Variants in LAMC1 observed in about 807,000 individuals in gnomAD.
The protein encoded by LAMC1 is laminin subunit gamma 1.
Under a neutral mutation model 173.6 loss-of-function variants are expected in LAMC1, and 38 were observed. That is an observed-to-expected ratio of 0.22 (90% CI 0.17 to 0.29). LAMC1 has a LOEUF of 0.29. Ranked by LOEUF, LAMC1 falls within the 10% of genes least tolerant of loss-of-function variation. The pLI, the probability that LAMC1 is intolerant of heterozygous loss-of-function variation, is 1.00. For missense variants in LAMC1, 1,824 were observed against 2,051.8 expected, an observed-to-expected ratio of 0.89 and a Z score of 2.14; for synonymous variants, 746 against 749.1, an observed-to-expected ratio of 1.00 and a Z score of 0.07.
intron 18 of LAMC1, among the ~76,000 whole-genome samples, chr1:183,130,091 G>A (rs1042967891): frequency 1.3e-5 from 2 of 152,118 alleles, no homozygotes; most frequent in African/African-American, 4.8e-5. Context: ...TAAGACCAGC[G>A]ATATAGTGGT....
At chr1:183,133,331 T>A (rs987448599) in intron 21 of LAMC1, 75 bp from the exon 22 acceptor site, 2 of 1,313,670 alleles carry the variant, frequency 1.5e-6, no homozygotes, top group African/African-American at 1.5e-5. Flanking sequence ...TATCACATGA[T>A]CATGTTAATC....
chr1:183,043,519 G>T (rs1017955145), intron 1 of LAMC1, among the ~76,000 whole-genome samples: 1 of 152,116 alleles, frequency 6.6e-6, no homozygotes, highest in African/African-American at 2.4e-5. Flanking sequence ...ATCTAAATAA[G>T]CAGATAAAGT....
chr1:183,131,952 G>A (rs1656807934), intron 20 of LAMC1, among the ~76,000 whole-genome samples: 1 of 152,168 alleles, frequency 6.6e-6, no homozygotes, highest in Non-Finnish European at 1.5e-5. Context: ...AATTCCAAAT[G>A]AATGACGTTT....
intron 1 of LAMC1, among the ~76,000 whole-genome samples, chr1:183,036,396 CTTTTTTTTTTTT>C (rs768370901): frequency 3.1e-5 from 3 of 96,594 alleles, no homozygotes; most frequent in Non-Finnish European, 6.1e-5. Context: ...CCACGCCAGT[CTTTTTTTTTTTT>C]TTTTTTTTTT....
intron 27 of LAMC1, among the ~76,000 whole-genome samples, chr1:183,141,509 C>T (rs1196399854): frequency 6.6e-6 from 1 of 152,178 alleles, no homozygotes; most frequent in Non-Finnish European, 1.5e-5. Flanking sequence ...GAGCAGGCTT[C>T]ATTTTAGGAC....
Position 183,023,934 on chromosome 1 carries a change from C to T in LAMC1, c.218C>T (p.Pro73Leu), listed in dbSNP as rs1386773296. ...VVATNTCGTP[P>L]EEYCVQTGVT... is the part of the protein sequence containing the mutation. ...GCCACCAACACGTGTGGGACTCCGC[C>T]CGAGGAATACTGTGTGCAGACCGGG... The change falls in exon 1 of 28, where the codon CCC (proline) becomes CTC (leucine). Residue 73 changes from proline (P) to leucine (L), a missense_variant. Coordinates refer to ENST00000258341, the MANE Select transcript of LAMC1 (RefSeq NM_002293.4). The T allele has an allele frequency of 6.2e-7, 1 of 1,613,234 alleles. No homozygotes were observed. Among genetic ancestry groups the T allele is most frequent in the Non-Finnish European group, 8.5e-7 (1 of 1,179,936 alleles).
intron 1 of LAMC1, among the ~76,000 whole-genome samples, chr1:183,077,776 G>GTGTGTGTGTGTGTATATATATATATA: frequency 6.9e-5 from 8 of 116,520 alleles, no homozygotes; most frequent in Non-Finnish European, 1.3e-4. Context: ...TGGCCATTGT[G>GTGTGTGTGTGTGTATATATATATATA]TATATATATA....
At chr1:183,117,119 A>G in intron 8 of LAMC1, 2 of 676,818 alleles carry the variant, frequency 3.0e-6, no homozygotes, top group Non-Finnish European at 4.8e-6. Flanking sequence ...TACAAATGTT[A>G]TATAAATAGT....
At chr1:183,138,144 A>C in intron 26 of LAMC1, 3 of 701,420 alleles carry the variant, frequency 4.3e-6, no homozygotes, top group Non-Finnish European at 3.5e-6. Context: ...TTAATAAAAA[A>C]GGAATGCAAT....
chr1:183,035,947 T>C (rs962626986), intron 1 of LAMC1, among the ~76,000 whole-genome samples: 2 of 152,176 alleles, frequency 1.3e-5, no homozygotes, highest in African/African-American at 4.8e-5. Context: ...GTTAGCCTTA[T>C]GCAGAAAATG....
chr1:183,077,310 T>C (rs1391978684), intron 1 of LAMC1, among the ~76,000 whole-genome samples: 1 of 152,236 alleles, frequency 6.6e-6, no homozygotes, highest in Admixed American at 6.5e-5. Context: ...AGACTAATGA[T>C]AGCAGACAAT....
chr1:183,050,110 G>A (rs1248302055), intron 1 of LAMC1, among the ~76,000 whole-genome samples: 2 of 152,020 alleles, frequency 1.3e-5, no homozygotes, highest in South Asian at 4.2e-4. Context: ...GTTATATTGT[G>A]TACTCTCCAT....
chr1:183,080,167 C>A (rs1655231828), intron 1 of LAMC1, among the ~76,000 whole-genome samples: 1 of 152,154 alleles, frequency 6.6e-6, no homozygotes, highest in South Asian at 2.1e-4. Flanking sequence ...TTGCTTGAAC[C>A]TGGGAAGCGG....
chr1:183,068,431 C>G lies in LAMC1; in HGVS notation c.419-34897C>G, dbSNP rs529301066. On this transcript the variant is annotated intron_variant, in intron 1 of 27. Transcript: ENST00000258341. The stretch of plus-strand genomic sequence containing the variant: ...GTGAGCATGAAGAAGAAAACCAAAC[C>G]AGAAAGGTTTAGGGATATTAATGTT... 3.3e-5 allele frequency among the ~76,000 whole-genome samples: 5 copies of G among 152,028 alleles called. No homozygotes were observed. In the South Asian group the frequency reaches 1.0e-3, roughly 32 times the overall value.
chr1:183,066,642 C>G (rs1350816909), intron 1 of LAMC1, among the ~76,000 whole-genome samples: 4 of 152,188 alleles, frequency 2.6e-5, no homozygotes. Context: ...AGGATGAGTT[C>G]ATGTCATTTG....
At chr1:183,112,763 A>C (rs1234469593) in intron 4 of LAMC1, among the ~76,000 whole-genome samples, 1 of 152,126 alleles carries the variant, frequency 6.6e-6, no homozygotes, top group Non-Finnish European at 1.5e-5. Flanking sequence ...CTAATGAAGG[A>C]AGGAAAAGGG....
At chr1:183,077,045 G>A (rs1655134696) in intron 1 of LAMC1, among the ~76,000 whole-genome samples, 1 of 152,162 alleles carries the variant, frequency 6.6e-6, no homozygotes, top group Non-Finnish European at 1.5e-5. Context: ...AGTTCATTTT[G>A]GTAACTGATG....
At chr1:183,036,096 C>CTT (rs35129932) in intron 1 of LAMC1, among the ~76,000 whole-genome samples, 12 of 137,418 alleles carry the variant, frequency 8.7e-5, no homozygotes, top group East Asian at 2.1e-4. Context: ...TGAATGAATT[C>CTT]TTTTTTTTTT....
intron 1 of LAMC1, among the ~76,000 whole-genome samples, chr1:183,087,761 G>A (rs1435994470): frequency 6.6e-6 from 1 of 151,790 alleles, no homozygotes; most frequent in Non-Finnish European, 1.5e-5. Flanking sequence ...GTTGATTAAT[G>A]AAATTTTTGC....
Sources: allele counts gnomAD v4.1 joint callset (sites outside exome capture counted in the v4.1 genomes callset), GRCh38; gene constraint gnomAD v4.1.1; transcripts MANE v1.5; gene names NCBI Gene and HGNC (gene_info 2026-07-23, HGNC 2026-07-21).